Variants in KDM3B observed in about 807,000 individuals in gnomAD.
KDM3B encodes the protein lysine demethylase 3B.
Under a neutral mutation model 170.0 loss-of-function variants are expected in KDM3B, and 10 were observed. That is an observed-to-expected ratio of 0.06 (90% CI 0.04 to 0.10). The LOEUF (loss-of-function observed/expected upper bound fraction) is 0.10, where lower values mean the gene tolerates loss of function less well. Ranked by LOEUF, KDM3B falls within the 10% of genes least tolerant of loss-of-function variation. The pLI, the probability that KDM3B is intolerant of heterozygous loss-of-function variation, is 1.00. For missense variants in KDM3B, 1,394 were observed against 2,195.2 expected (o/e 0.64, Z 7.29); for synonymous variants, 831 against 834.8 (o/e 1.00, Z 0.08).
chr5:138,378,154 G>T (rs922357647), intron 4 of KDM3B, among the ~76,000 whole-genome samples: 1 of 152,042 alleles, frequency 6.6e-6, no homozygotes, highest in African/African-American at 2.4e-5. Context: ...ACAAAAACAG[G>T]ATCTCATTCA....
intron 9 of KDM3B, among the ~76,000 whole-genome samples, chr5:138,393,640 G>T (rs913783357): frequency 1.3e-5 from 2 of 152,144 alleles, no homozygotes; most frequent in Non-Finnish European, 2.9e-5. Context: ...CCTAACTTGG[G>T]TTGGTTCTAT....
At chr5:138,385,523 G>T (rs898140111) in intron 6 of KDM3B, among the ~76,000 whole-genome samples, 1 of 152,250 alleles carries the variant, frequency 6.6e-6, no homozygotes, top group Non-Finnish European at 1.5e-5. Context: ...GAGCCACTGT[G>T]CCCAGCCCAG....
intron 11 of KDM3B, among the ~76,000 whole-genome samples, chr5:138,408,389 TA>T (rs769091269): frequency 1.2e-3 from 161 of 135,366 alleles, no homozygotes; most frequent in Non-Finnish European, 1.6e-3. Context: ...CTACACTCCT[TA>T]AAAAAAAAAA....
At chr5:138,374,247 G>A in intron 2 of KDM3B, 1 of 431,800 alleles carries the variant, frequency 2.3e-6, no homozygotes, top group Non-Finnish European at 4.6e-6. Context: ...ACTACGCCCA[G>A]CCGTTTCATT....
At chr5:138,389,782 C>CTCTCTG (rs1554128165) in intron 7 of KDM3B, among the ~76,000 whole-genome samples, 1 of 143,466 alleles carries the variant, frequency 7.0e-6, no homozygotes, top group Non-Finnish European at 1.5e-5. Context: ...CTCTCTCTCT[C>CTCTCTG]TGTGTGTGTG....
chr5:138,406,386 G>C (rs1465919830), intron 11 of KDM3B, among the ~76,000 whole-genome samples: 1 of 152,036 alleles, frequency 6.6e-6, no homozygotes, highest in African/African-American at 2.4e-5. Context: ...GCTCACGCCT[G>C]TAATCCCAGC....
intron 1 of KDM3B, among the ~76,000 whole-genome samples, chr5:138,358,148 C>T (rs1761500917): frequency 6.6e-6 from 1 of 150,838 alleles, no homozygotes; most frequent in Non-Finnish European, 1.5e-5. Context: ...CAGGCGTCCA[C>T]CACCATGTAA....
intron 11 of KDM3B, among the ~76,000 whole-genome samples, chr5:138,411,659 A>G (rs1241050689): frequency 1.3e-5 from 2 of 151,970 alleles, no homozygotes; most frequent in Admixed American, 1.3e-4. Flanking sequence ...GATAGAACAC[A>G]ATGCAAATGA....
chr5:138,375,220 G>T lies in KDM3B; in HGVS notation c.474+14G>T. On this transcript the variant is annotated intron_variant, in intron 3 of 23. Coordinates refer to ENST00000314358, the MANE Select transcript of KDM3B (RefSeq NM_016604.4). ...CATCTGTTTCAGGTATTTAACACTT[G>T]CTTTAGTCTTGAGCCTATTATTTTT... 6.5e-7 allele frequency: 1 copy of T among 1,530,010 alleles called. No homozygotes were observed. The highest frequency in any genetic ancestry group is 9.1e-7 in the Non-Finnish European group (1 of 1,103,970). The allele number at this position is 1,530,010 out of a possible 1,614,324, so 94.8% of individuals were successfully genotyped here.
chr5:138,430,123 A>G, intron 21 of KDM3B, 126 bp from the exon 22 acceptor site: 1 of 1,357,052 alleles, frequency 7.4e-7, no homozygotes, highest in Non-Finnish European at 1.0e-6. Context: ...ATCCACACCT[A>G]GAGGATGTTG....
At chr5:138,399,081 C>T (rs1324972063) in intron 10 of KDM3B, among the ~76,000 whole-genome samples, 4 of 150,854 alleles carry the variant, frequency 2.7e-5, no homozygotes, top group South Asian at 4.2e-4. Flanking sequence ...GTAGGGACAG[C>T]GTTTCGCCGT....
intron 1 of KDM3B, among the ~76,000 whole-genome samples, chr5:138,357,517 C>T (rs1304736022): frequency 6.6e-6 from 1 of 151,666 alleles, no homozygotes; most frequent in Admixed American, 6.6e-5. Flanking sequence ...ATGCACACTA[C>T]CACGTCTGGC....
rs58389517 is a variant in KDM3B at position 138,384,740 on chromosome 5, CA to C, written c.781-1258del. On this transcript the variant is annotated intron_variant, in intron 6 of 23. Transcript: ENST00000314358. ...CACGACAAGAGCGAAACTCTTGTCTCAAAAAAAAAAAAAAAAAAAAAAAATT... is the reference window on the plus strand; with the variant it reads ...CACGACAAGAGCGAAACTCTTGTCTCAAAAAAAAAAAAAAAAAAAAAAATT... Among the ~76,000 whole-genome samples the C allele has an allele frequency of 9.0e-3, 775 of 85,844 alleles. 3 individuals are homozygous for C. Among genetic ancestry groups the C allele is most frequent in the African/African-American group, 0.017 (454 of 26,240 alleles). The allele number at this position is 85,844 out of a possible 152,430, so 56.3% of individuals were successfully genotyped here.
In KDM3B at chr5:138,372,783, G is replaced by A. The variant is rs1289379418; in HGVS notation, c.302G>A (p.Arg101His). ...GAAGGGTCTCTTGTATGGGCGCCCC[G>A]TGAGGACCCAGTCCTTCTCCAGGGC... ...LLEGSLVWAP[R>H]EDPVLLQGIR... The change falls in exon 2 of 24, where the codon CGT (arginine) becomes CAT (histidine). Residue 101 changes from arginine (R) to histidine (H), a missense_variant. Coordinates refer to ENST00000314358, the MANE Select transcript of KDM3B (RefSeq NM_016604.4). 1.2e-6 allele frequency: 2 copies of A among 1,614,138 alleles called. No homozygotes were observed. The highest frequency in any genetic ancestry group is 1.7e-6 in the Non-Finnish European group (2 of 1,180,040).
intron 13 of KDM3B, chr5:138,417,831 A>G: frequency 2.2e-6 from 1 of 447,114 alleles, no homozygotes; most frequent in South Asian, 3.3e-5. Flanking sequence ...TTCATGGTTG[A>G]CTGATAGCAC....
At chr5:138,378,586 A>G (rs1337361350) in intron 4 of KDM3B, among the ~76,000 whole-genome samples, 1 of 152,136 alleles carries the variant, frequency 6.6e-6, no homozygotes, top group Non-Finnish European at 1.5e-5. Context: ...TCAGGGAAAT[A>G]GTTTCCTTGT....
intron 6 of KDM3B, 68 bp downstream of exon 6, chr5:138,381,658 TTA>T (rs1215644409): frequency 1.2e-5 from 11 of 938,292 alleles, no homozygotes; most frequent in Non-Finnish European, 1.8e-5. Context: ...TGTAGATCCC[TTA>T]TATATGTGTT....
At chr5:138,361,200 C>T (rs1580874946) in intron 1 of KDM3B, among the ~76,000 whole-genome samples, 1 of 152,202 alleles carries the variant, frequency 6.6e-6, no homozygotes, top group East Asian at 1.9e-4. Flanking sequence ...GTTTTTAAGC[C>T]CTTTCCACTG....
chr5:138,352,975 C>T lies in KDM3B; in HGVS notation c.180C>T (p.Pro60=), dbSNP rs776153800. Residue 60 remains proline, a synonymous_variant, in exon 1 of 24, where the codon CCC becomes CCT. Transcript: ENST00000314358. ...TGCGGGCCATGAGCGGGGCGGTGCC[C>T]CAGGACCTAGCGGTGAGTGGCGGCC... The part of the protein sequence containing the change: ...GTVRAMSGAV[P]QDLAIFVEFD... The T allele has an allele frequency of 8.0e-7, 1 of 1,246,188 alleles. No homozygotes were observed. The highest frequency in any genetic ancestry group is 3.3e-5 in the South Asian group (1 of 30,580). 77.2% of individuals were successfully genotyped at this position (1,246,188 alleles called of 1,614,324 possible).
Sources: allele counts gnomAD v4.1 joint callset (sites outside exome capture counted in the v4.1 genomes callset), GRCh38; gene constraint gnomAD v4.1.1; transcripts MANE v1.5; gene names NCBI Gene and HGNC (gene_info 2026-07-23, HGNC 2026-07-21).